CAMK2D: variants seen among roughly 807,000 people sequenced by gnomAD.
The protein encoded by CAMK2D is calcium/calmodulin dependent protein kinase II delta, also known as calcium/calmodulin-dependent protein kinase type II subunit delta.
Under a neutral mutation model 84.0 loss-of-function variants are expected in CAMK2D, and 37 were observed. The ratio of observed to expected loss-of-function variants is 0.44; its 90% CI spans 0.34 to 0.58. The LOEUF is 0.58. CAMK2D is among the 20% of genes least tolerant of loss of function. The pLI, the probability that CAMK2D is intolerant of heterozygous loss-of-function variation, is 0.02. For missense variants in CAMK2D, 448 were observed against 652.5 expected (o/e 0.69, Z 3.41); for synonymous variants, 202 against 212.5 (o/e 0.95, Z 0.43).
At chr4:113,608,845 C>T (rs2098988006) in intron 4 of CAMK2D, among the ~76,000 whole-genome samples, 1 of 152,082 alleles carries the variant, frequency 6.6e-6, no homozygotes, top group Non-Finnish European at 1.5e-5. Context: ...GAAAATTTTG[C>T]TTATGTCAAA....
intron 2 of CAMK2D, among the ~76,000 whole-genome samples, chr4:113,700,571 A>G (rs1273422277): frequency 6.6e-6 from 1 of 152,190 alleles, no homozygotes; most frequent in Non-Finnish European, 1.5e-5. Flanking sequence ...CAAAAATAAA[A>G]AAACACTTTC....
intron 4 of CAMK2D, among the ~76,000 whole-genome samples, chr4:113,570,554 G>C (rs553750343): frequency 1.3e-5 from 2 of 152,268 alleles, no homozygotes; most frequent in South Asian, 4.1e-4. Flanking sequence ...AGGAAAAAGA[G>C]AGTCTCTTCA....
At chr4:113,502,840 T>G in intron 15 of CAMK2D, 96 bp downstream of exon 15, 1 of 863,436 alleles carries the variant, frequency 1.2e-6, no homozygotes, top group Non-Finnish European at 2.0e-6. Context: ...GTTAGAATTT[T>G]CTTTCCTATT....
chr4:113,520,213 C>T (rs923371565), intron 8 of CAMK2D, among the ~76,000 whole-genome samples: 1 of 152,040 alleles, frequency 6.6e-6, no homozygotes, highest in Non-Finnish European at 1.5e-5. Flanking sequence ...CACGACCAGC[C>T]TGGCCAACAT....
intron 2 of CAMK2D, chr4:113,759,089 T>C (rs2099635079): frequency 3.5e-6 from 1 of 289,814 alleles, no homozygotes. Context: ...CTATTGCTCA[T>C]AGGACAGATA....
intron 3 of CAMK2D, among the ~76,000 whole-genome samples, chr4:113,629,785 TAAAA>T (rs75795050): frequency 7.5e-6 from 1 of 132,642 alleles, no homozygotes. Flanking sequence ...ATGTTCTTGG[TAAAA>T]AAAAAAAAAA....
At chr4:113,629,303 C>G (rs780542924) in intron 3 of CAMK2D, among the ~76,000 whole-genome samples, 8 of 151,994 alleles carry the variant, frequency 5.3e-5, no homozygotes, top group Non-Finnish European at 1.2e-4. Context: ...TCTGAGCAAC[C>G]ATTTTTGCCA....
chr4:113,474,273 C>T (rs1419483457), intron 16 of CAMK2D, among the ~76,000 whole-genome samples: 1 of 152,118 alleles, frequency 6.6e-6, no homozygotes, highest in Non-Finnish European at 1.5e-5. Flanking sequence ...AGACTCACAT[C>T]CTCTGCTCAG....
At chr4:113,590,418 T>C (rs1246357699) in intron 4 of CAMK2D, among the ~76,000 whole-genome samples, 1 of 152,130 alleles carries the variant, frequency 6.6e-6, no homozygotes, top group East Asian at 1.9e-4. Flanking sequence ...TAAAGAAAAT[T>C]CTAAAATCTG....
chr4:113,610,108 G>A (rs9307392), intron 3 of CAMK2D, among the ~76,000 whole-genome samples: 4,376 of 151,660 alleles, frequency 0.029, 217 homozygotes, highest in African/African-American at 0.099. Context: ...TGCCACATAA[G>A]TAAACTCATG....
chr4:113,505,135 T>TAA (rs1359184663), intron 13 of CAMK2D, 100 bp from the exon 14 acceptor site: 1 of 554,406 alleles, frequency 1.8e-6, no homozygotes, highest in African/African-American at 2.0e-5. Context: ...GACATGAAGA[T>TAA]AAAGAGCCAC....
chr4:113,682,037 C>A (rs1302357909), intron 2 of CAMK2D, among the ~76,000 whole-genome samples: 1 of 152,136 alleles, frequency 6.6e-6, no homozygotes, highest in Non-Finnish European at 1.5e-5. Context: ...AGTTTAAATC[C>A]TATTCTACCC....
At chr4:113,750,227 G>A (rs983768165) in intron 2 of CAMK2D, among the ~76,000 whole-genome samples, 52 of 152,172 alleles carry the variant, frequency 3.4e-4, no homozygotes, top group Non-Finnish European at 6.2e-4. Context: ...GGTGGGGGAA[G>A]AAGTTAGAGA....
chr4:113,475,600 C>T (rs889212451), intron 16 of CAMK2D, among the ~76,000 whole-genome samples: 5 of 152,164 alleles, frequency 3.3e-5, no homozygotes, highest in African/African-American at 1.2e-4. Context: ...TACCAACTAA[C>T]ATAGTATGAA....
At chr4:113,512,520 A>G (rs898048274) in intron 12 of CAMK2D, among the ~76,000 whole-genome samples, 1 of 152,208 alleles carries the variant, frequency 6.6e-6, no homozygotes, top group Non-Finnish European at 1.5e-5. Flanking sequence ...AGAAAATACT[A>G]TACTTTTGAA....
chr4:113,565,956 AT>A (rs2154216206), intron 4 of CAMK2D, among the ~76,000 whole-genome samples: 1 of 152,312 alleles, frequency 6.6e-6, no homozygotes, highest in South Asian at 2.1e-4. Flanking sequence ...GTTATTTGAT[AT>A]TCTAAAATAA....
rs575434908 is a variant in CAMK2D at position 113,614,533 on chromosome 4, T to C, written c.221-5327A>G. On this transcript the variant is annotated intron_variant, in intron 3 of 20. Transcript: ENST00000511664. The stretch of plus-strand genomic sequence containing the variant: ...TGCTAAAAGAAAAGATCAGGTTCGA[T>C]TGGAAGACAAGAGGCCACATGAAGA... 4.6e-4 allele frequency among the ~76,000 whole-genome samples: 70 copies of C among 152,228 alleles called. 1 individual carries two copies. The South Asian group carries it at 0.013, about 28-fold the overall frequency.
At chr4:113,472,250 T>C (rs1027530054) in intron 16 of CAMK2D, among the ~76,000 whole-genome samples, 2 of 152,214 alleles carry the variant, frequency 1.3e-5, no homozygotes, top group Admixed American at 1.3e-4. Context: ...TATCAGTATA[T>C]GGTTAGACAA....
intron 14 of CAMK2D, among the ~76,000 whole-genome samples, chr4:113,504,542 C>T (rs7684265): frequency 0.93 from 142,295 of 152,310 alleles, 66,625 homozygotes; most frequent in East Asian, 1. Flanking sequence ...GGTCTACTTT[C>T]ATGTTGTCTA....
Sources: allele counts gnomAD v4.1 joint callset (sites outside exome capture counted in the v4.1 genomes callset), GRCh38; gene constraint gnomAD v4.1.1; transcripts MANE v1.5; gene names NCBI Gene and HGNC (gene_info 2026-07-23, HGNC 2026-07-21).